The following MAGI1 variants were observed in gnomAD, a reference collection of about 807,000 sequenced individuals.
The protein encoded by MAGI1 is membrane associated guanylate kinase, WW and PDZ domain containing 1.
Under a neutral mutation model 139.9 loss-of-function variants are expected in MAGI1, and 58 were observed. That is an observed-to-expected ratio of 0.41 (90% CI 0.34 to 0.52). The LOEUF is 0.52. MAGI1 is among the 20% of genes least tolerant of loss of function. The pLI is 0.12. For missense variants in MAGI1, 1,874 were observed against 1,901.6 expected (o/e 0.99, Z 0.27); for synonymous variants, 812 against 737.9 (o/e 1.10, Z -1.63).
At chr3:65,921,919 GACACACAC>G (rs35532734) in intron 1 of MAGI1, among the ~76,000 whole-genome samples, 13 of 140,842 alleles carry the variant, frequency 9.2e-5, no homozygotes, top group Non-Finnish European at 1.7e-4. Flanking sequence ...CCACACACAC[GACACACAC>G]ACACACACAC....
chr3:65,919,914 A>G (rs973334357), intron 1 of MAGI1, among the ~76,000 whole-genome samples: 18 of 152,248 alleles, frequency 1.2e-4, no homozygotes, highest in African/African-American at 3.9e-4. Context: ...ACTTTTTTCA[A>G]TCTTATCCCA....
intron 1 of MAGI1, among the ~76,000 whole-genome samples, chr3:65,644,492 T>C (rs2085153353): frequency 6.7e-6 from 1 of 150,200 alleles, no homozygotes; most frequent in Non-Finnish European, 1.5e-5. Flanking sequence ...GCTCAGGAGG[T>C]TGAGGCTACA....
intron 1 of MAGI1, among the ~76,000 whole-genome samples, chr3:65,645,435 C>A (rs931169569): frequency 2.0e-5 from 3 of 152,112 alleles, no homozygotes; most frequent in Non-Finnish European, 4.4e-5. Flanking sequence ...CAGAATTCTA[C>A]ATCCAGTAAA....
intron 12 of MAGI1, among the ~76,000 whole-genome samples, chr3:65,422,689 G>A (rs1434017084): frequency 1.3e-5 from 2 of 152,062 alleles, no homozygotes; most frequent in Admixed American, 6.6e-5. Context: ...GAAAGATCAC[G>A]AGAACAGACA....
At chr3:66,011,289 G>C (rs1172721207) in intron 1 of MAGI1, among the ~76,000 whole-genome samples, 1 of 152,116 alleles carries the variant, frequency 6.6e-6, no homozygotes, top group Non-Finnish European at 1.5e-5. Flanking sequence ...GACAACAAAC[G>C]TTGCAACAGT....
In MAGI1 at chr3:65,429,947, T is replaced by C. The variant is rs755929470; in HGVS notation, c.1740A>G (p.Pro580=). The C allele has an allele frequency of 6.2e-6, 10 of 1,613,872 alleles. No homozygotes were observed. The Admixed American group carries it at 1.7e-4, about 27-fold the overall frequency. Residue 580 remains proline (P), a synonymous_variant, in exon 12 of 23, where the codon CCA becomes CCG. Transcript: ENST00000402939. ...AGGTCTCTTGCCCATTCACAATAAT[T>C]GGTTCTTTATCCAAAATGGCTACCG... is the stretch of plus-strand genomic sequence containing the variant. ...VTSVAILDKE[P]IIVNGQETYD... is the part of the protein sequence containing the mutation.
At chr3:65,651,526 T>C (rs1486357652) in intron 1 of MAGI1, among the ~76,000 whole-genome samples, 1 of 152,122 alleles carries the variant, frequency 6.6e-6, no homozygotes, top group African/African-American at 2.4e-5. Context: ...TCCCTGTATA[T>C]TGCGGCATGT....
chr3:65,629,023 A>G (rs2084136304), intron 1 of MAGI1, among the ~76,000 whole-genome samples: 1 of 152,152 alleles, frequency 6.6e-6, no homozygotes. Flanking sequence ...TTTTCTTGCC[A>G]TTATTTAAAC....
At chr3:65,450,546 G>T (rs937690612) in intron 6 of MAGI1, among the ~76,000 whole-genome samples, 6 of 152,108 alleles carry the variant, frequency 3.9e-5, no homozygotes, top group African/African-American at 1.4e-4. Context: ...TAATTTGGGG[G>T]GAAAGATCAT....
At chr3:65,749,710 T>TTAA (rs67423926) in intron 1 of MAGI1, among the ~76,000 whole-genome samples, 18,940 of 134,664 alleles carry the variant, frequency 0.14, 1,638 homozygotes, top group Non-Finnish European at 0.22. Context: ...TAGTCTGAGT[T>TTAA]AAAAAAAAAA....
At chr3:65,431,865 T>A (rs1283534761) in intron 10 of MAGI1, among the ~76,000 whole-genome samples, 1 of 151,782 alleles carries the variant, frequency 6.6e-6, no homozygotes, top group Non-Finnish European at 1.5e-5. Context: ...AGGTGGTGGA[T>A]GCCTGTAATC....
intron 1 of MAGI1, among the ~76,000 whole-genome samples, chr3:65,709,938 GA>G (rs1440959867): frequency 6.6e-6 from 1 of 152,166 alleles, no homozygotes; most frequent in Non-Finnish European, 1.5e-5. Context: ...TAAGTTATGA[GA>G]AACACTGCAT....
intron 12 of MAGI1, among the ~76,000 whole-genome samples, chr3:65,402,804 G>A (rs1011728592): frequency 2.0e-5 from 3 of 152,174 alleles, no homozygotes; most frequent in South Asian, 2.1e-4. Flanking sequence ...AGGATTACTC[G>A]TCGTGGGAGG....
intron 2 of MAGI1, among the ~76,000 whole-genome samples, chr3:65,578,792 A>G (rs1220350396): frequency 6.6e-6 from 1 of 152,066 alleles, no homozygotes; most frequent in East Asian, 1.9e-4. Flanking sequence ...GTGGTGGCAC[A>G]TCCCTGTACC....
intron 13 of MAGI1, 61 bp downstream of exon 13, chr3:65,401,378 C>CA: frequency 1.5e-5 from 18 of 1,189,330 alleles, no homozygotes; most frequent in East Asian, 5.3e-5. Flanking sequence ...ACCCTCCCAC[C>CA]TCCAGCCCCC....
intron 1 of MAGI1, among the ~76,000 whole-genome samples, chr3:65,928,268 G>A (rs958181018): frequency 7.9e-5 from 12 of 152,180 alleles, no homozygotes; most frequent in African/African-American, 2.9e-4. Context: ...TGGCCGTGGA[G>A]GGAGCATTTA....
At chr3:66,016,284 G>C (rs781458593) in intron 1 of MAGI1, among the ~76,000 whole-genome samples, 6 of 152,130 alleles carry the variant, frequency 3.9e-5, no homozygotes, top group Non-Finnish European at 8.8e-5. Flanking sequence ...AATCATATAA[G>C]ATATGTGCTC....
intron 1 of MAGI1, among the ~76,000 whole-genome samples, chr3:65,793,139 A>C (rs2039900344): frequency 1.3e-5 from 2 of 152,208 alleles, no homozygotes; most frequent in African/African-American, 2.4e-5. Context: ...TTGGGAAGAC[A>C]GGGATGTTGG....
intron 12 of MAGI1, among the ~76,000 whole-genome samples, chr3:65,410,193 T>C (rs1174342794): frequency 6.6e-6 from 1 of 152,210 alleles, no homozygotes; most frequent in African/African-American, 2.4e-5. Context: ...TGAAATGATA[T>C]GGATGATCCT....
Sources: allele counts gnomAD v4.1 joint callset (sites outside exome capture counted in the v4.1 genomes callset), GRCh38; gene constraint gnomAD v4.1.1; transcripts MANE v1.5; gene names NCBI Gene and HGNC (gene_info 2026-07-23, HGNC 2026-07-21).